GRM8: variants seen among roughly 807,000 people sequenced by gnomAD.
The protein encoded by GRM8 is metabotropic glutamate receptor 8.
GRM8 carries 47 observed loss-of-function variants against 87.2 expected under a neutral mutation model. The ratio of observed to expected loss-of-function variants is 0.54; its 90% CI spans 0.43 to 0.69. The LOEUF (loss-of-function observed/expected upper bound fraction) is 0.69, where lower values mean the gene tolerates loss of function less well. Ranked by LOEUF, GRM8 falls within the 30% of genes least tolerant of loss-of-function variation. The pLI is 0.00. For missense variants in GRM8, 1,019 were observed against 1,139.2 expected (o/e 0.89, Z 1.52); for synonymous variants, 396 against 404.5 (o/e 0.98, Z 0.25).
chr7:127,083,314 T>C (rs1823075640), intron 3 of GRM8, among the ~76,000 whole-genome samples: 1 of 152,146 alleles, frequency 6.6e-6, no homozygotes, highest in Non-Finnish European at 1.5e-5. Flanking sequence ...GTATACCCCA[T>C]TGCTTGCAAT....
At chr7:126,918,496 C>T (rs1395310643) in intron 3 of GRM8, among the ~76,000 whole-genome samples, 3 of 152,124 alleles carry the variant, frequency 2.0e-5, no homozygotes, top group Admixed American at 2.0e-4. Context: ...TTAAGTTAGC[C>T]ATTAAAATGA....
At chr7:126,673,556 C>A (rs1806616686) in intron 7 of GRM8, among the ~76,000 whole-genome samples, 2 of 152,118 alleles carry the variant, frequency 1.3e-5, no homozygotes, top group Non-Finnish European at 2.9e-5. Flanking sequence ...GGATTCCCAT[C>A]CTCCCACTGT....
intron 8 of GRM8, among the ~76,000 whole-genome samples, chr7:126,607,855 C>A (rs1421454952): frequency 3.0e-5 from 4 of 134,154 alleles, no homozygotes; most frequent in Non-Finnish European, 3.1e-5. Flanking sequence ...CCCCTCCCCC[C>A]ACCCCACAAC....
chr7:126,533,396 G>A lies in GRM8; in HGVS notation c.1986C>T (p.Ser662=). The A allele has an allele frequency of 6.2e-7, 1 of 1,614,008 alleles. No individual in the cohort carries two copies. The highest frequency in any genetic ancestry group is 8.5e-7 in the Non-Finnish European group (1 of 1,179,980). ...RVFLGLGMCF[S]YAALLTKTNR... ...TTGTTTTGGTCAGAAGGGCTGCATA[G>A]CTGAAACACATGCCAAGTCCTAGGA... The change falls in exon 9 of 11, where the codon AGC becomes AGT. Residue 662 remains serine (S), a synonymous_variant. Transcript: ENST00000339582.
At chr7:126,692,450 G>A (rs1222487849) in intron 7 of GRM8, among the ~76,000 whole-genome samples, 8 of 152,208 alleles carry the variant, frequency 5.3e-5, no homozygotes, top group Non-Finnish European at 1.0e-4. Context: ...CCCTCTCCAT[G>A]TCCTTGATGT....
intron 3 of GRM8, among the ~76,000 whole-genome samples, chr7:126,912,078 T>C (rs933915416): frequency 2.0e-5 from 3 of 152,022 alleles, no homozygotes; most frequent in Non-Finnish European, 4.4e-5. Flanking sequence ...GCACCTGTAG[T>C]CCCAGCTACT....
At chr7:126,472,841 G>C (rs2150564083) in intron 9 of GRM8, among the ~76,000 whole-genome samples, 1 of 152,302 alleles carries the variant, frequency 6.6e-6, no homozygotes, top group Non-Finnish European at 1.5e-5. Flanking sequence ...TCCCAGCCAT[G>C]GCTAATAGGG....
In GRM8 at chr7:126,920,376, T is replaced by TA. The variant is rs531849729; in HGVS notation, c.728-15694dup. Among the ~76,000 whole-genome samples the TA allele has an allele frequency of 4.4e-3, 670 of 151,210 alleles. 3 individuals are homozygous for TA. Among genetic ancestry groups the TA allele is most frequent in the African/African-American group, 0.014 (591 of 41,206 alleles). On this transcript the variant is annotated intron_variant, in intron 3 of 10. Coordinates refer to ENST00000339582, the MANE Select transcript of GRM8 (RefSeq NM_000845.3). ...AAATACCCAACTAAGTTGTCTACTA[T>TA]AAAAAAAAAGAGGGGAAAAGAGGAG...
rs1820815078 is a variant in GRM8 at position 127,063,448 on chromosome 7, C to T, written c.727+43048G>A. The stretch of plus-strand genomic sequence containing the variant: ...AAAATTAGCCACTTGTGGTGGCAGG[C>T]ACCTGTAATTCCAGCTACATGGGAG... On this transcript the variant is annotated intron_variant, in intron 3 of 10. Coordinates refer to ENST00000339582, the MANE Select transcript of GRM8 (RefSeq NM_000845.3). Among the ~76,000 whole-genome samples the T allele has an allele frequency of 2.6e-5, 4 of 152,052 alleles. No homozygotes were observed. In the South Asian group the frequency reaches 8.3e-4, roughly 32 times the overall value.
intron 3 of GRM8, among the ~76,000 whole-genome samples, chr7:126,983,425 G>A (rs191750808): frequency 2.0e-5 from 3 of 152,160 alleles, no homozygotes; most frequent in Admixed American, 6.5e-5. Context: ...TCCAATATAC[G>A]GTACTGCTTT....
intron 6 of GRM8, among the ~76,000 whole-genome samples, chr7:126,800,762 G>A (rs907800979): frequency 5.9e-5 from 9 of 152,186 alleles, no homozygotes; most frequent in East Asian, 5.8e-4. Flanking sequence ...AAAATAGAGC[G>A]CTAATATTTC....
chr7:126,830,829 T>G (rs1037940608), intron 6 of GRM8, among the ~76,000 whole-genome samples: 2 of 152,212 alleles, frequency 1.3e-5, no homozygotes, highest in African/African-American at 4.8e-5. Flanking sequence ...CCCATCTTTG[T>G]GGTTTTATCT....
chr7:126,664,556 A>G (rs974198533), intron 7 of GRM8, among the ~76,000 whole-genome samples: 1 of 152,216 alleles, frequency 6.6e-6, no homozygotes, highest in Admixed American at 6.5e-5. Context: ...GTCCTGGGAT[A>G]ACTGGCTAGC....
At chr7:126,667,429 G>A (rs1805887678) in intron 7 of GRM8, among the ~76,000 whole-genome samples, 1 of 152,322 alleles carries the variant, frequency 6.6e-6, no homozygotes, top group African/African-American at 2.4e-5. Flanking sequence ...ATTTTTGCTT[G>A]AGTAGTCTTT....
chr7:126,876,085 C>T (rs1478411723), intron 6 of GRM8, among the ~76,000 whole-genome samples: 1 of 152,124 alleles, frequency 6.6e-6, no homozygotes, highest in African/African-American at 2.4e-5. Context: ...CTTTACCTTC[C>T]CCAAGCACAG....
At chr7:126,475,631 C>T (rs141434013) in intron 9 of GRM8, among the ~76,000 whole-genome samples, 223 of 152,066 alleles carry the variant, frequency 1.5e-3, no homozygotes, top group Non-Finnish European at 2.5e-3. Context: ...TAAAATTGTA[C>T]GGAACCACAG....
chr7:126,883,413 T>C (rs560785615), intron 6 of GRM8, among the ~76,000 whole-genome samples: 1 of 152,310 alleles, frequency 6.6e-6, no homozygotes, highest in East Asian at 1.9e-4. Flanking sequence ...CAGGATTGAA[T>C]TGTATGATAA....
chr7:126,582,415 G>A (rs1166546232), intron 8 of GRM8, among the ~76,000 whole-genome samples: 1 of 152,092 alleles, frequency 6.6e-6, no homozygotes, highest in Non-Finnish European at 1.5e-5. Flanking sequence ...GAGATTTAAG[G>A]AACAAAGCAA....
At chr7:126,772,314 T>A (rs1237947988) in intron 6 of GRM8, among the ~76,000 whole-genome samples, 1 of 152,140 alleles carries the variant, frequency 6.6e-6, no homozygotes, top group Non-Finnish European at 1.5e-5. Context: ...ACTTTGAGGA[T>A]CAGTCCCTAG....
Sources: allele counts gnomAD v4.1 joint callset (sites outside exome capture counted in the v4.1 genomes callset), GRCh38; gene constraint gnomAD v4.1.1; transcripts MANE v1.5; gene names NCBI Gene and HGNC (gene_info 2026-07-23, HGNC 2026-07-21).